Variants in POLR1A observed in about 807,000 individuals in gnomAD.
POLR1A encodes DNA-directed RNA polymerase I subunit RPA1.
A neutral mutation model predicts 205.3 loss-of-function variants in POLR1A; 84 were observed. That is an observed-to-expected ratio of 0.41 (90% CI 0.34 to 0.49). The LOEUF (loss-of-function observed/expected upper bound fraction) is 0.49, where lower values mean the gene tolerates loss of function less well. Ranked by LOEUF, POLR1A falls within the 20% of genes least tolerant of loss-of-function variation. POLR1A has a pLI of 0.22. For missense variants in POLR1A, 1,645 were observed against 2,204.5 expected, an observed-to-expected ratio of 0.75 and a Z score of 5.08; for synonymous variants, 799 against 863.7, an observed-to-expected ratio of 0.93 and a Z score of 1.31.
At chr2:86,103,110 G>A (rs1344846772) in intron 1 of POLR1A, among the ~76,000 whole-genome samples, 1 of 152,226 alleles carries the variant, frequency 6.6e-6, no homozygotes, top group African/African-American at 2.4e-5. Flanking sequence ...GACACAAAAT[G>A]TATAGTCTGT....
chr2:86,062,313 C>T (rs59947468), intron 14 of POLR1A, among the ~76,000 whole-genome samples: 8,941 of 152,092 alleles, frequency 0.059, 496 homozygotes, highest in East Asian at 0.33. Flanking sequence ...GCCTATTTCC[C>T]AATTTTATTT....
At chr2:86,058,248 G>C (rs1013580670) in intron 14 of POLR1A, among the ~76,000 whole-genome samples, 1 of 152,112 alleles carries the variant, frequency 6.6e-6, no homozygotes, top group Non-Finnish European at 1.5e-5. Flanking sequence ...TTACAGGCAT[G>C]TGCCACCATG....
At chr2:86,105,437 T>C (rs1321662077) in intron 1 of POLR1A, among the ~76,000 whole-genome samples, 1 of 152,294 alleles carries the variant, frequency 6.6e-6, no homozygotes, top group East Asian at 1.9e-4. Context: ...GACTGGCAGA[T>C]GATAACGCTG....
intron 3 of POLR1A, among the ~76,000 whole-genome samples, chr2:86,096,167 A>G (rs1380251062): frequency 6.6e-6 from 1 of 152,168 alleles, no homozygotes. Context: ...AAAAGAAATC[A>G]AGAAGGCAAT....
chr2:86,060,346 C>T (rs998294180), intron 14 of POLR1A, among the ~76,000 whole-genome samples: 1 of 151,750 alleles, frequency 6.6e-6, no homozygotes, highest in African/African-American at 2.4e-5. Context: ...ACAAACACCC[C>T]AAAATAGTTG....
intron 2 of POLR1A, among the ~76,000 whole-genome samples, chr2:86,098,993 G>A (rs368564401): frequency 2.0e-5 from 3 of 152,044 alleles, no homozygotes; most frequent in Admixed American, 6.6e-5. Flanking sequence ...TACTTTGGGC[G>A]TACAACCTGA....
At chr2:86,057,897 T>C (rs185008184) in intron 14 of POLR1A, among the ~76,000 whole-genome samples, 36 of 152,164 alleles carry the variant, frequency 2.4e-4, no homozygotes, top group African/African-American at 8.2e-4. Flanking sequence ...CACAACATAG[T>C]GAATACACTA....
chr2:86,032,563 T>C (rs1407753838), intron 28 of POLR1A, among the ~76,000 whole-genome samples, 181 bp from the exon 29 acceptor site: 5 of 152,064 alleles, frequency 3.3e-5, no homozygotes, highest in Non-Finnish European at 7.4e-5. Context: ...GCATCTACTC[T>C]GTCCAGTCCC....
Position 86,099,961 on chromosome 2 carries a change from C to T in POLR1A, c.282+7G>A. 6.8e-6 allele frequency: 11 copies of T among 1,611,990 alleles called. No individual in the cohort carries two copies. The highest frequency in any genetic ancestry group is 8.5e-6 in the Non-Finnish European group (10 of 1,178,260). On this transcript the variant is annotated splice_region_variant and intron_variant, in intron 2 of 33. Coordinates refer to ENST00000263857, the MANE Select transcript of POLR1A (RefSeq NM_015425.6). ...CCGGAGACCCACACAACTAAGGCAG[C>T]ACTTACATCGAAGAGGAGAGGGTTA...
chr2:86,028,702 G>C lies in POLR1A; in HGVS notation c.4789C>G (p.Leu1597Val), dbSNP rs1242809968. The C allele has an allele frequency of 1.9e-6, 3 of 1,613,502 alleles. No homozygotes were observed. The highest frequency in any genetic ancestry group is 1.1e-5 in the South Asian group (1 of 91,078). Reference protein sequence around the residue: ...ELFKYAEVLDLRRLYSNDIHA... With the variant: ...ELFKYAEVLDVRRLYSNDIHA... ...ATGTCGTTGGAGTAGAGGCGGCGCA[G>C]ATCCAGGACCTGGAGAGAGGAAGGA... The change falls in exon 32 of 34, where the codon CTG becomes GTG. Residue 1597 changes from leucine to valine, a missense_variant. Leu to Val is a conservative substitution (Grantham distance 32). Transcript: ENST00000263857. The surrounding 1 kb of genome is among the most constrained non-coding windows in gnomAD (Gnocchi z 4.5).
chr2:86,063,276 G>A (rs919315697), intron 14 of POLR1A, among the ~76,000 whole-genome samples: 6 of 141,674 alleles, frequency 4.2e-5, no homozygotes, highest in African/African-American at 7.6e-5. Context: ...TGGAGGTTGC[G>A]GTGAGCCAGG....
At chr2:86,039,575 A>C (rs1672562449) in intron 25 of POLR1A, 113 bp from the exon 26 acceptor site, 1 of 1,224,490 alleles carries the variant, frequency 8.2e-7, no homozygotes, top group South Asian at 1.3e-5. Flanking sequence ...AGGCCTGGGG[A>C]TCTCACAGGG....
intron 6 of POLR1A, among the ~76,000 whole-genome samples, chr2:86,087,312 T>C (rs1383350300): frequency 6.6e-6 from 1 of 152,236 alleles, no homozygotes; most frequent in African/African-American, 2.4e-5. Flanking sequence ...ACATACATCA[T>C]GCATCTCCAG....
At chr2:86,066,497 C>T (rs1673086447) in intron 13 of POLR1A, among the ~76,000 whole-genome samples, 1 of 152,220 alleles carries the variant, frequency 6.6e-6, no homozygotes, top group African/African-American at 2.4e-5. Context: ...GCTATGCTCA[C>T]TGACGTTCTT....
intron 13 of POLR1A, among the ~76,000 whole-genome samples, chr2:86,068,050 TTA>T (rs1363889495): frequency 6.6e-6 from 1 of 152,150 alleles, no homozygotes; most frequent in East Asian, 1.9e-4. Context: ...CCACTTGGAT[TTA>T]TATGTCAGCC....
chr2:86,085,948 G>A (rs942629574), intron 6 of POLR1A, among the ~76,000 whole-genome samples: 2 of 152,190 alleles, frequency 1.3e-5, no homozygotes, highest in African/African-American at 4.8e-5. Flanking sequence ...GGCTCAGGGG[G>A]GCACATGGAG....
At chr2:86,098,562 C>T in intron 3 of POLR1A, 49 bp downstream of exon 3, 1 of 1,592,072 alleles carries the variant, frequency 6.3e-7, no homozygotes, top group Non-Finnish European at 8.6e-7. Flanking sequence ...TCTTGTTCCC[C>T]ACACCACTTT....
At chr2:86,104,978 A>C (rs1177593462) in intron 1 of POLR1A, among the ~76,000 whole-genome samples, 1 of 152,266 alleles carries the variant, frequency 6.6e-6, no homozygotes, top group African/African-American at 2.4e-5. Context: ...AGAATCTTGA[A>C]GAACATCAAC....
intron 23 of POLR1A, among the ~76,000 whole-genome samples, chr2:86,042,494 C>T (rs1269400790): frequency 6.6e-6 from 1 of 152,230 alleles, no homozygotes; most frequent in Non-Finnish European, 1.5e-5. Context: ...GGCTCTTTCA[C>T]ACGCTCTGTG....
Sources: allele counts gnomAD v4.1 joint callset (sites outside exome capture counted in the v4.1 genomes callset), GRCh38; gene constraint gnomAD v4.1.1; non-coding constraint Gnocchi (gnomAD v3.1); transcripts MANE v1.5; gene names NCBI Gene and HGNC (gene_info 2026-07-23, HGNC 2026-07-21).